The following GABRG3 variants were observed in gnomAD, a reference collection of about 807,000 sequenced individuals.
The protein encoded by GABRG3 is gamma-aminobutyric acid type A receptor subunit gamma3, also known as gamma-aminobutyric acid receptor subunit gamma-3.
GABRG3 carries 25 observed loss-of-function variants against 48.8 expected under a neutral mutation model. The observed-to-expected ratio is 0.51, with a 90% confidence interval of 0.37 to 0.72. The LOEUF (loss-of-function observed/expected upper bound fraction) is 0.72, where lower values mean the gene tolerates loss of function less well. Among genes scored for constraint, GABRG3 ranks in the 30% least tolerant of loss-of-function variants. The pLI is 0.00. For missense variants in GABRG3, 394 were observed against 577.9 expected (o/e 0.68, Z 3.26); for synonymous variants, 227 against 217.6 (o/e 1.04, Z -0.38).
intron 5 of GABRG3, among the ~76,000 whole-genome samples, chr15:27,421,057 C>T (rs1221739149): frequency 2.6e-5 from 4 of 152,160 alleles, no homozygotes; most frequent in Non-Finnish European, 5.9e-5. Flanking sequence ...AGGTGCTTCA[C>T]CTTCTGAGTC....
intron 5 of GABRG3, among the ~76,000 whole-genome samples, chr15:27,359,134 A>AC: frequency 6.6e-6 from 1 of 152,028 alleles, no homozygotes; most frequent in East Asian, 2.0e-4. Context: ...TTGGGAGGCC[A>AC]CCCGGCCTCA....
intron 2 of GABRG3, among the ~76,000 whole-genome samples, chr15:27,014,345 ATT>A (rs200503071): frequency 8.1e-6 from 1 of 123,596 alleles, no homozygotes; most frequent in Non-Finnish European, 1.8e-5. Flanking sequence ...ACATTTCTTT[ATT>A]TTTTTTTTTT....
chr15:27,000,467 C>A (rs1011328979), intron 2 of GABRG3, among the ~76,000 whole-genome samples: 1 of 152,154 alleles, frequency 6.6e-6, no homozygotes, highest in Non-Finnish European at 1.5e-5. Flanking sequence ...CCACCCAAAT[C>A]TCATATTCAA....
intron 9 of GABRG3, among the ~76,000 whole-genome samples, chr15:27,529,375 T>C (rs972884431): frequency 4.6e-5 from 7 of 152,218 alleles, no homozygotes; most frequent in African/African-American, 1.7e-4. Context: ...CAACTTTTAT[T>C]TACAATAATG....
At chr15:27,085,963 T>A (rs1403796053) in intron 3 of GABRG3, among the ~76,000 whole-genome samples, 1 of 152,196 alleles carries the variant, frequency 6.6e-6, no homozygotes, top group African/African-American at 2.4e-5. Context: ...AAACATTTCA[T>A]TGAAGAACTT....
intron 6 of GABRG3, among the ~76,000 whole-genome samples, chr15:27,509,479 TAGAC>T (rs1373778237): frequency 6.6e-6 from 1 of 152,230 alleles, no homozygotes; most frequent in African/African-American, 2.4e-5. Flanking sequence ...ATATGTATAT[TAGAC>T]AGTTTGTTAT....
chr15:27,256,202 G>A lies in GABRG3; in HGVS notation c.271-70607G>A, dbSNP rs574064950. Among the ~76,000 whole-genome samples, 8 of 152,172 alleles carry A rather than the reference G, an allele frequency of 5.3e-5. No homozygotes were observed. The South Asian group carries it at 1.7e-3, about 32-fold the overall frequency. ...TCATGCCTGTAATCCCAGCACTTTG[G>A]GAGGCCGAGGCGGGCGGATCAGGAG... On this transcript the variant is annotated intron_variant, in intron 3 of 9. Transcript: ENST00000615808.
At chr15:27,173,158 A>G (rs1221726446) in intron 3 of GABRG3, among the ~76,000 whole-genome samples, 1 of 152,132 alleles carries the variant, frequency 6.6e-6, no homozygotes, top group Admixed American at 6.5e-5. Context: ...CTCCATTCTA[A>G]AAGTCTAGAA....
At chr15:27,230,585 T>G (rs1276641533) in intron 3 of GABRG3, among the ~76,000 whole-genome samples, 2 of 152,210 alleles carry the variant, frequency 1.3e-5, no homozygotes, top group East Asian at 3.8e-4. Context: ...TGTATATGTT[T>G]GTAAAGTTTG....
At chr15:27,317,705 G>T (rs765950394) in intron 3 of GABRG3, among the ~76,000 whole-genome samples, 1 of 152,202 alleles carries the variant, frequency 6.6e-6, no homozygotes, top group Non-Finnish European at 1.5e-5. Context: ...CGCTGGTGAA[G>T]CATTTAGAAT....
intron 3 of GABRG3, among the ~76,000 whole-genome samples, chr15:27,322,185 GT>G (rs1327916338): frequency 1.3e-5 from 2 of 152,218 alleles, no homozygotes; most frequent in East Asian, 3.8e-4. Flanking sequence ...GGTGGGAAGT[GT>G]TTCTTCAACA....
chr15:27,304,960 T>C (rs960185966), intron 3 of GABRG3, among the ~76,000 whole-genome samples: 2 of 152,018 alleles, frequency 1.3e-5, no homozygotes, highest in African/African-American at 4.8e-5. Context: ...TTATTGTATA[T>C]CCTTTGATAC....
At chr15:27,286,368 T>G (rs72702091) in intron 3 of GABRG3, among the ~76,000 whole-genome samples, 31 of 152,314 alleles carry the variant, frequency 2.0e-4, no homozygotes, top group Non-Finnish European at 3.2e-4. Flanking sequence ...GGCTGACTCC[T>G]TTGTCTCTTC....
At chr15:27,469,189 G>A (rs1889707777) in intron 5 of GABRG3, among the ~76,000 whole-genome samples, 1 of 151,930 alleles carries the variant, frequency 6.6e-6, no homozygotes, top group African/African-American at 2.4e-5. Flanking sequence ...ATTACACAAA[G>A]TTAGTATGGG....
intron 3 of GABRG3, among the ~76,000 whole-genome samples, chr15:27,096,576 C>G (rs183978376): frequency 1.6e-4 from 25 of 152,312 alleles, no homozygotes; most frequent in African/African-American, 5.5e-4. Flanking sequence ...GTCAGTAGCT[C>G]TGTGTATACA....
rs546149005 is a variant in GABRG3, at chr15:27,011,842, C to A, written c.203-14912C>A. On this transcript the variant is annotated intron_variant, in intron 2 of 9. Transcript: ENST00000615808. ...CAGGCTGGGCGACAGAGCAAGACTCCGTCTCAAAAAAAAAAAAAAAAGATC... is the reference window on the plus strand; with the variant it reads ...CAGGCTGGGCGACAGAGCAAGACTCAGTCTCAAAAAAAAAAAAAAAAGATC... 2.6e-5 allele frequency among the ~76,000 whole-genome samples: 3 copies of A among 116,248 alleles called. No homozygotes were observed. In the East Asian group the frequency reaches 6.1e-4, roughly 24 times the overall value. The allele number at this position is 116,248 out of a possible 152,430, so 76.3% of individuals were successfully genotyped here.
At chr15:27,393,167 A>C (rs1887193727) in intron 5 of GABRG3, among the ~76,000 whole-genome samples, 1 of 151,910 alleles carries the variant, frequency 6.6e-6, no homozygotes, top group Admixed American at 6.6e-5. Context: ...ACACGGTGAA[A>C]CCCCATCTCT....
chr15:27,265,727 TG>T (rs1317459601), intron 3 of GABRG3, among the ~76,000 whole-genome samples: 1 of 152,166 alleles, frequency 6.6e-6, no homozygotes, highest in African/African-American at 2.4e-5. Flanking sequence ...GTCTGCAGCT[TG>T]CCTTTTCATT....
At chr15:27,011,622 C>T (rs538596366) in intron 2 of GABRG3, among the ~76,000 whole-genome samples, 4 of 151,978 alleles carry the variant, frequency 2.6e-5, no homozygotes, top group East Asian at 1.9e-4. Flanking sequence ...CTGAGGCAGG[C>T]GGATCACAAG....
Sources: allele counts gnomAD v4.1 joint callset (sites outside exome capture counted in the v4.1 genomes callset), GRCh38; gene constraint gnomAD v4.1.1; transcripts MANE v1.5; gene names NCBI Gene and HGNC (gene_info 2026-07-23, HGNC 2026-07-21).